The following XKR3 variants were observed in gnomAD, a reference collection of about 807,000 sequenced individuals.
XKR3 encodes the protein XK related 3, also known as XK-related protein 3.
Under a neutral mutation model 40.3 loss-of-function variants are expected in XKR3, and 27 were observed. The ratio of observed to expected loss-of-function variants is 0.67; its 90% CI spans 0.49 to 0.92. The LOEUF (loss-of-function observed/expected upper bound fraction) is 0.92. Ranked by LOEUF, XKR3 falls within the 40% of genes least tolerant of loss-of-function variation. The pLI, the probability that XKR3 is intolerant of heterozygous loss-of-function variation, is 0.00. For synonymous variants in XKR3, 193 were observed against 195.4 expected (o/e 0.99, Z 0.10); for missense variants, 472 against 537.6 (o/e 0.88, Z 1.21).
Position 16,807,815 on chromosome 22 carries a change from A to G in XKR3, c.259T>C (p.Phe87Leu). ...TTTCTCCTCAAGTCTTTGTTGAAAAACATCAGGATAATTTGATCCAAAATT... is the reference window on the plus strand; with the variant it reads ...TTTCTCCTCAAGTCTTTGTTGAAAAGCATCAGGATAATTTGATCCAAAATT... Reference protein sequence around the residue: ...GAILDQIILMFFNKDLRRNKA... With the variant: ...GAILDQIILMLFNKDLRRNKA... The change falls in exon 2 of 4, where the codon TTT becomes CTT. Residue 87 changes from phenylalanine (F) to leucine (L), a missense_variant. Physicochemically the swap from Phe to Leu is conservative, Grantham distance 22 (BLOSUM62 0). Transcript: ENST00000684488. The G allele has an allele frequency of 6.2e-7, 1 of 1,613,768 alleles. No individual in the cohort carries two copies. Among genetic ancestry groups the G allele is most frequent in the Non-Finnish European group, 8.5e-7 (1 of 1,179,816 alleles).
rs571432568 is a variant in XKR3 at position 16,807,745 on chromosome 22, A to G, written c.329T>C (p.Ile110Thr). ...LFWHILLLGP[I>T]VRCLHTIRNY... ...AAATATTTGTGTCACTTACCTCACA[A>G]TAGGTCCTAAAAGAAGAATGTGCCA... Residue 110 changes from isoleucine to threonine, a missense_variant, in exon 2 of 4, where the codon ATT (isoleucine) becomes ACT (threonine). Coordinates refer to ENST00000684488, the MANE Select transcript of XKR3 (RefSeq NM_001386955.1). 1.9e-6 allele frequency: 3 copies of G among 1,595,412 alleles called. No homozygotes were observed. The highest frequency in any genetic ancestry group is 1.7e-5 in the Admixed American group (1 of 58,146).
rs201422198 is a variant in XKR3, at chr22:16,788,614, T to C, written c.590-4205A>G. On this transcript the variant is annotated intron_variant, in intron 3 of 3. Transcript: ENST00000684488. ...GTGGAAAAAAATAAAAAAAAGAAGA[T>C]ATGTGAACTGTTCCAGTTCATTCTG... Among the ~76,000 whole-genome samples the C allele has an allele frequency of 2.6e-4, 39 of 152,212 alleles. No homozygotes were observed. In the East Asian group the frequency reaches 7.1e-3, roughly 28 times the overall value.
chr22:16,813,495 T>C (rs894062152), intron 1 of XKR3, among the ~76,000 whole-genome samples: 1 of 152,152 alleles, frequency 6.6e-6, no homozygotes, highest in African/African-American at 2.4e-5. Context: ...AAGTAATTTG[T>C]CCAAATTCTT....
chr22:16,809,558 T>C (rs1302020882), intron 1 of XKR3, among the ~76,000 whole-genome samples: 2 of 152,184 alleles, frequency 1.3e-5, no homozygotes, highest in African/African-American at 4.8e-5. Context: ...CACAGTGGTT[T>C]CTCAAAAGTC....
chr22:16,784,171 CAAT>C lies in XKR3; in HGVS notation c.825_827del (p.Leu277del). ...TCCAAAACTCCAGCCACGGTGCCAA[CAAT>C]GATACAAAATATATGATTAACAAAA... On this transcript the variant is annotated inframe_deletion, in exon 4 of 4. Transcript: ENST00000684488. 5 of 1,614,130 alleles carry C rather than the reference CAAT, an allele frequency of 3.1e-6. No homozygotes were observed. Among genetic ancestry groups the C allele is most frequent in the Non-Finnish European group, 4.2e-6 (5 of 1,180,030 alleles).
intron 3 of XKR3, among the ~76,000 whole-genome samples, chr22:16,788,160 G>A (rs1434182977): frequency 6.6e-6 from 1 of 152,020 alleles, no homozygotes; most frequent in Non-Finnish European, 1.5e-5. Context: ...TAATTCATAA[G>A]TACATGAAAA....
Position 16,784,176 on chromosome 22 carries a change from A to T in XKR3, c.823T>A (p.Ser275Thr). ...AACTCCAGCCACGGTGCCAACAATG[A>T]TACAAAATATATGATTAACAAAACG... is the stretch of plus-strand genomic sequence containing the variant. Reference protein sequence around the residue: ...LPVLLIIYFVSLLAPWLEFWK... With the variant: ...LPVLLIIYFVTLLAPWLEFWK... The change falls in exon 4 of 4, where the codon TCA becomes ACA. Residue 275 changes from serine to threonine, a missense_variant. Physicochemically the swap from Ser to Thr is moderately conservative, Grantham distance 58 (BLOSUM62 1). Coordinates refer to ENST00000684488, the MANE Select transcript of XKR3 (RefSeq NM_001386955.1). 8 of 1,614,236 alleles carry T rather than the reference A, an allele frequency of 5.0e-6. No individual in the cohort carries two copies. Among genetic ancestry groups the T allele is most frequent in the Non-Finnish European group, 6.8e-6 (8 of 1,180,046 alleles).
At chr22:16,799,679 TG>T in intron 3 of XKR3, 91 bp downstream of exon 3, 2 of 1,398,370 alleles carry the variant, frequency 1.4e-6, no homozygotes, top group Non-Finnish European at 1.9e-6. Flanking sequence ...AACTGTAATT[TG>T]GGATTACATA....
At chr22:16,803,361 A>G (rs769438369) in intron 2 of XKR3, among the ~76,000 whole-genome samples, 27 of 152,160 alleles carry the variant, frequency 1.8e-4, no homozygotes, top group Non-Finnish European at 3.4e-4. Context: ...ATAATACACA[A>G]CAACCAAATA....
chr22:16,794,504 A>G (rs5748636), intron 3 of XKR3, among the ~76,000 whole-genome samples: 104,077 of 151,934 alleles, frequency 0.69, 35,920 homozygotes, highest in Middle Eastern at 0.76. Context: ...TTATTCTCAG[A>G]CAAACAAATG....
intron 3 of XKR3, among the ~76,000 whole-genome samples, chr22:16,796,340 C>T (rs1463153827): frequency 1.3e-5 from 2 of 152,140 alleles, no homozygotes; most frequent in Non-Finnish European, 2.9e-5. Context: ...TTTTTCCCAT[C>T]TCATTCAATG....
intron 2 of XKR3, among the ~76,000 whole-genome samples, chr22:16,806,234 C>T (rs932872506): frequency 3.9e-5 from 5 of 128,834 alleles, no homozygotes; most frequent in Admixed American, 8.6e-5. Flanking sequence ...ACTCCAGCCT[C>T]GGTGAAAAAG....
chr22:16,791,978 G>C (rs112372858), intron 3 of XKR3, among the ~76,000 whole-genome samples: 6,429 of 151,516 alleles, frequency 0.042, 345 homozygotes, highest in African/African-American at 0.12. Context: ...GTTTGCTCTT[G>C]TTCCCCAGGC....
intron 3 of XKR3, among the ~76,000 whole-genome samples, chr22:16,790,071 C>T (rs2060107601): frequency 6.6e-6 from 1 of 152,096 alleles, no homozygotes; most frequent in Non-Finnish European, 1.5e-5. Context: ...CCTAGGAGTG[C>T]AAGGCTGTAG....
At chr22:16,791,276 T>C (rs2060114551) in intron 3 of XKR3, among the ~76,000 whole-genome samples, 1 of 151,592 alleles carries the variant, frequency 6.6e-6, no homozygotes, top group South Asian at 2.1e-4. Context: ...AGACATTACG[T>C]TGAGTGAAAA....
chr22:16,789,565 A>G (rs1601839514), intron 3 of XKR3, among the ~76,000 whole-genome samples: 1 of 152,160 alleles, frequency 6.6e-6, no homozygotes, highest in African/African-American at 2.4e-5. Flanking sequence ...AATTGATTGG[A>G]AAAAAGTAAT....
intron 2 of XKR3, 110 bp downstream of exon 2, chr22:16,807,629 T>G (rs1601847450): frequency 9.9e-7 from 1 of 1,008,600 alleles, no homozygotes; most frequent in African/African-American, 1.6e-5. Context: ...AAGAGGGAAA[T>G]ATTTCAATTC....
intron 1 of XKR3, among the ~76,000 whole-genome samples, chr22:16,811,482 G>T (rs1170257233): frequency 6.6e-6 from 1 of 152,016 alleles, no homozygotes; most frequent in Admixed American, 6.6e-5. Context: ...TTACTATTCG[G>T]TCTTCTTATT....
At chr22:16,821,776 A>C (rs1249754598) in intron 1 of XKR3, 1 of 152,112 alleles carries the variant, frequency 6.6e-6, no homozygotes, top group Non-Finnish European at 1.5e-5. Flanking sequence ...CTCGTGCTTC[A>C]ATTTCATATA....
Sources: allele counts gnomAD v4.1 joint callset (sites outside exome capture counted in the v4.1 genomes callset), GRCh38; gene constraint gnomAD v4.1.1; transcripts MANE v1.5; gene names NCBI Gene and HGNC (gene_info 2026-07-23, HGNC 2026-07-21).